RAD51B: variants seen among roughly 807,000 people sequenced by gnomAD.
The protein encoded by RAD51B is DNA repair protein RAD51 homolog 2.
A neutral mutation model predicts 42.2 loss-of-function variants in RAD51B; 38 were observed. That is an observed-to-expected ratio of 0.90 (90% CI 0.70 to 1.18). The LOEUF (loss-of-function observed/expected upper bound fraction) is 1.18. RAD51B is among the 50% of genes most tolerant of loss of function. The probability of loss-of-function intolerance (pLI) is 0.00; values close to 1 mark genes in which losing one functional copy is unlikely to be tolerated. For missense variants in RAD51B, 373 were observed against 400.7 expected, an observed-to-expected ratio of 0.93 and a Z score of 0.59; for synonymous variants, 154 against 145.2, an observed-to-expected ratio of 1.06 and a Z score of -0.43.
chr14:68,382,636 G>A (rs1237977467), intron 8 of RAD51B, among the ~76,000 whole-genome samples: 1 of 152,198 alleles, frequency 6.6e-6, no homozygotes, highest in Non-Finnish European at 1.5e-5. Flanking sequence ...AGTCATTGGA[G>A]TTGATTTGCT....
At chr14:68,036,931 T>TA (rs998695770) in intron 7 of RAD51B, among the ~76,000 whole-genome samples, 1 of 152,054 alleles carries the variant, frequency 6.6e-6, no homozygotes, top group Admixed American at 6.5e-5. Context: ...ACCCTGTGGT[T>TA]ATTTTATTTT....
chr14:68,518,008 A>G (rs1314257414), intron 10 of RAD51B, among the ~76,000 whole-genome samples: 1 of 152,102 alleles, frequency 6.6e-6, no homozygotes, highest in Non-Finnish European at 1.5e-5. Context: ...TCCTTTTTAG[A>G]GTAGCAGGGT....
intron 7 of RAD51B, among the ~76,000 whole-genome samples, chr14:67,957,128 G>T (rs761564735): frequency 1.3e-5 from 2 of 152,220 alleles, no homozygotes; most frequent in Non-Finnish European, 2.9e-5. Context: ...ATCACTATAA[G>T]AGGAGAGATA....
At chr14:68,640,227 G>A (rs1007571530) in intron 10 of RAD51B, among the ~76,000 whole-genome samples, 4 of 152,188 alleles carry the variant, frequency 2.6e-5, no homozygotes, top group Admixed American at 6.5e-5. Flanking sequence ...GCCCCAGAAG[G>A]CACCCCTTTC....
intron 7 of RAD51B, among the ~76,000 whole-genome samples, chr14:68,201,361 C>T (rs1357882438): frequency 6.6e-6 from 1 of 152,170 alleles, no homozygotes; most frequent in Non-Finnish European, 1.5e-5. Context: ...AGTGATATTT[C>T]TGGAAAGAGA....
chr14:68,506,272 C>T (rs1885312532), intron 10 of RAD51B, among the ~76,000 whole-genome samples: 2 of 152,224 alleles, frequency 1.3e-5, no homozygotes, highest in African/African-American at 2.4e-5. Flanking sequence ...GAGCAGTGCA[C>T]ATTAGCGAGT....
At chr14:68,068,610 C>T (rs541759763) in intron 7 of RAD51B, among the ~76,000 whole-genome samples, 1 of 152,192 alleles carries the variant, frequency 6.6e-6, no homozygotes, top group East Asian at 1.9e-4. Context: ...GACATGTTTT[C>T]AATTCTCTTG....
intron 7 of RAD51B, among the ~76,000 whole-genome samples, chr14:67,969,133 A>G (rs2074845779): frequency 6.6e-6 from 1 of 152,102 alleles, no homozygotes; most frequent in Non-Finnish European, 1.5e-5. Flanking sequence ...GATTCAAACC[A>G]TCTCCCACTG....
At chr14:68,123,890 A>G (rs1337526038) in intron 7 of RAD51B, among the ~76,000 whole-genome samples, 1 of 152,188 alleles carries the variant, frequency 6.6e-6, no homozygotes, top group African/African-American at 2.4e-5. Flanking sequence ...TTTGTGCACA[A>G]GCAACTGCAT....
chr14:67,947,443 G>C (rs569251991), intron 7 of RAD51B, among the ~76,000 whole-genome samples: 1 of 152,148 alleles, frequency 6.6e-6, no homozygotes. Flanking sequence ...ACTGTGTTCG[G>C]TTTACCTTGT....
At chr14:68,524,220 CAGAG>C (rs916191321) in intron 10 of RAD51B, among the ~76,000 whole-genome samples, 4 of 152,148 alleles carry the variant, frequency 2.6e-5, no homozygotes, top group African/African-American at 9.7e-5. Flanking sequence ...GACCGACCGA[CAGAG>C]AGAGCTGCTG....
intron 7 of RAD51B, among the ~76,000 whole-genome samples, chr14:68,121,534 G>A (rs757577407): frequency 3.9e-5 from 6 of 152,074 alleles, no homozygotes; most frequent in Admixed American, 6.6e-5. Context: ...AAAGTCAACA[G>A]CTTGCTTTAT....
chr14:68,599,829 C>G (rs943449528), downstream of RAD51B, among the ~76,000 whole-genome samples: 1 of 152,244 alleles, frequency 6.6e-6, no homozygotes, highest in Non-Finnish European at 1.5e-5. Context: ...CAGGTCCTTC[C>G]TCCTTTCGGA....
chr14:68,418,904 G>A (rs960311134), intron 9 of RAD51B, among the ~76,000 whole-genome samples: 1 of 152,208 alleles, frequency 6.6e-6, no homozygotes, highest in African/African-American at 2.4e-5. Context: ...AAATGAATCA[G>A]CACTTTCACT....
chr14:68,035,206 T>C (rs1031408722), intron 7 of RAD51B, among the ~76,000 whole-genome samples: 49 of 152,212 alleles, frequency 3.2e-4, no homozygotes, highest in Non-Finnish European at 6.2e-4. Flanking sequence ...TTTCTTTTCT[T>C]TCTCTTTTTA....
Position 68,308,977 on chromosome 14 carries a change from G to GA in RAD51B, c.853+17002dup, listed in dbSNP as rs1231462909. Among the ~76,000 whole-genome samples, 9 of 152,282 alleles carry GA rather than the reference G, an allele frequency of 5.9e-5. No individual in the cohort carries two copies. The East Asian group carries it at 1.7e-3, about 29-fold the overall frequency. On this transcript the variant is annotated intron_variant, in intron 8 of 10. Coordinates refer to ENST00000471583, the MANE Select transcript of RAD51B (RefSeq NM_133510.4). Reference sequence around the variant, plus strand: ...AGAGAAGGCTCTTACAAAACAGAGGGAAAAATCCTCGCTGTCATGTCATAA... The same window carrying GA: ...AGAGAAGGCTCTTACAAAACAGAGGGAAAAAATCCTCGCTGTCATGTCATAA...
chr14:68,514,791 T>C (rs1886014750), intron 10 of RAD51B, among the ~76,000 whole-genome samples: 1 of 152,218 alleles, frequency 6.6e-6, no homozygotes. Flanking sequence ...TCAGGGGAGA[T>C]TTGTTTTCAA....
intron 7 of RAD51B, among the ~76,000 whole-genome samples, chr14:68,040,015 G>A (rs919706923): frequency 3.3e-5 from 5 of 152,174 alleles, no homozygotes; most frequent in Non-Finnish European, 5.9e-5. Context: ...AGTTTAGATT[G>A]GTTAATGTAA....
chr14:68,253,378 G>A (rs2080682378), intron 7 of RAD51B, among the ~76,000 whole-genome samples: 2 of 151,516 alleles, frequency 1.3e-5, no homozygotes, highest in South Asian at 2.1e-4. Context: ...TTTGTCTTTT[G>A]TGAATGTTTG....
Sources: gnomAD v4.1 joint callset for allele counts (sites outside exome capture counted in the v4.1 genomes callset) on GRCh38, gnomAD v4.1.1 for gene constraint, MANE v1.5 for transcripts, NCBI Gene and HGNC (gene_info 2026-07-23, HGNC 2026-07-21) for gene names.